PLEKHA7: variants seen among roughly 807,000 people sequenced by gnomAD.
PLEKHA7 encodes pleckstrin homology domain-containing family A member 7.
PLEKHA7 carries 104 observed loss-of-function variants against 170.0 expected under a neutral mutation model. That is an observed-to-expected ratio of 0.61 (90% CI 0.52 to 0.72). The LOEUF (loss-of-function observed/expected upper bound fraction) is 0.72, where lower values mean the gene tolerates loss of function less well. Ranked by LOEUF, PLEKHA7 falls within the 30% of genes least tolerant of loss-of-function variation. PLEKHA7 has a pLI of 0.00. For missense variants in PLEKHA7, 1,615 were observed against 1,671.7 expected (o/e 0.97, Z 0.59); for synonymous variants, 648 against 660.8 (o/e 0.98, Z 0.30).
chr11:16,800,555 A>G (rs929356654), intron 17 of PLEKHA7, among the ~76,000 whole-genome samples: 1 of 152,214 alleles, frequency 6.6e-6, no homozygotes, highest in African/African-American at 2.4e-5. Context: ...TAGAGGTGTG[A>G]TAACATCTAT....
intron 3 of PLEKHA7, among the ~76,000 whole-genome samples, chr11:16,959,448 G>A (rs530486732): frequency 3.3e-5 from 5 of 152,298 alleles, no homozygotes; most frequent in Non-Finnish European, 7.3e-5. Context: ...GTTTGTAAAC[G>A]TTTAATAAAA....
At chr11:16,824,005 CA>C (rs1443433199) in intron 10 of PLEKHA7, among the ~76,000 whole-genome samples, 1 of 152,130 alleles carries the variant, frequency 6.6e-6, no homozygotes, top group Admixed American at 6.5e-5. Context: ...ATGCCAGGCA[CA>C]AAAAGACAAA....
chr11:16,939,564 G>A (rs887450777), intron 3 of PLEKHA7, among the ~76,000 whole-genome samples: 4 of 152,068 alleles, frequency 2.6e-5, no homozygotes, highest in African/African-American at 9.7e-5. Context: ...AATACTACAC[G>A]GGTATTGCAA....
At chr11:16,984,946 G>A (rs1863637507) in intron 3 of PLEKHA7, among the ~76,000 whole-genome samples, 1 of 152,250 alleles carries the variant, frequency 6.6e-6, no homozygotes, top group Admixed American at 6.5e-5. Flanking sequence ...CAGCTGGCAA[G>A]CAACAGAAGT....
chr11:16,937,014 G>C (rs1860351898), intron 3 of PLEKHA7, among the ~76,000 whole-genome samples: 2 of 152,202 alleles, frequency 1.3e-5, no homozygotes, highest in African/African-American at 4.8e-5. Flanking sequence ...CATCTTTGAG[G>C]ACTACCAGCA....
At chr11:16,883,202 C>A (rs1855838556) in intron 3 of PLEKHA7, among the ~76,000 whole-genome samples, 3 of 152,114 alleles carry the variant, frequency 2.0e-5, no homozygotes, top group Admixed American at 2.0e-4. Context: ...GGTAGAGAAA[C>A]CACATCGGGC....
chr11:16,882,889 G>C (rs929346212), intron 3 of PLEKHA7, among the ~76,000 whole-genome samples: 4 of 149,646 alleles, frequency 2.7e-5, no homozygotes, highest in African/African-American at 5.1e-5. Flanking sequence ...CACACACACA[G>C]AGTTCAGAGT....
chr11:16,939,569 T>C (rs182676194), intron 3 of PLEKHA7, among the ~76,000 whole-genome samples: 7 of 152,338 alleles, frequency 4.6e-5, no homozygotes, highest in African/African-American at 1.4e-4. Flanking sequence ...TACACGGGTA[T>C]TGCAAAAATG....
At chr11:16,981,243 G>A (rs1398176494) in intron 3 of PLEKHA7, among the ~76,000 whole-genome samples, 2 of 152,136 alleles carry the variant, frequency 1.3e-5, no homozygotes, top group African/African-American at 4.8e-5. Context: ...ACTACATGCA[G>A]GTATGATTAT....
intron 10 of PLEKHA7, among the ~76,000 whole-genome samples, chr11:16,824,858 C>T (rs392441): frequency 2.6e-5 from 4 of 152,048 alleles, no homozygotes; most frequent in Non-Finnish European, 5.9e-5. Context: ...TCAGCAGTAA[C>T]GTCATCTTAC....
At chr11:16,808,568 C>T (rs1275786023) in intron 13 of PLEKHA7, among the ~76,000 whole-genome samples, 1 of 152,204 alleles carries the variant, frequency 6.6e-6, no homozygotes, top group East Asian at 1.9e-4. Context: ...CAGGTTCAAA[C>T]AGTCAGGAAG....
At chr11:16,881,770 G>T (rs1855733980) in intron 3 of PLEKHA7, among the ~76,000 whole-genome samples, 1 of 152,164 alleles carries the variant, frequency 6.6e-6, no homozygotes, top group Admixed American at 6.5e-5. Flanking sequence ...CCTATCTTTG[G>T]TGAAGAAACA....
intron 3 of PLEKHA7, among the ~76,000 whole-genome samples, chr11:16,971,665 C>A (rs963906246): frequency 1.3e-5 from 2 of 152,092 alleles, no homozygotes; most frequent in African/African-American, 2.4e-5. Flanking sequence ...AAGGTCAGGG[C>A]AGGAGATACA....
At chr11:16,961,344 G>A (rs1862047053) in intron 3 of PLEKHA7, among the ~76,000 whole-genome samples, 1 of 152,204 alleles carries the variant, frequency 6.6e-6, no homozygotes, top group Non-Finnish European at 1.5e-5. Flanking sequence ...CTAACGCCAG[G>A]CTATGCTCAG....
Position 16,826,318 on chromosome 11 carries a change from C to G in PLEKHA7, c.1145G>C (p.Arg382Thr). 1.2e-6 allele frequency: 2 copies of G among 1,614,250 alleles called. No individual in the cohort carries two copies. The highest frequency in any genetic ancestry group is 1.3e-5 in the African/African-American group (1 of 75,078). The change falls in exon 10 of 27, where the codon AGA becomes ACA. Residue 382 changes from arginine to threonine, a missense_variant. Coordinates refer to ENST00000531066, the MANE Select transcript of PLEKHA7 (RefSeq NM_001329630.2). ...ALFMDLPTGP[R>T]GQQAQPQRAE... is the part of the protein sequence containing the mutation. ...CCGTTGGGGCTGTGCCTGCTGGCCT[C>G]TTGGGCCAGTGGGTAAATCCATAAA...
chr11:16,919,803 C>T (rs1858955130), intron 3 of PLEKHA7, among the ~76,000 whole-genome samples: 1 of 151,908 alleles, frequency 6.6e-6, no homozygotes, highest in East Asian at 1.9e-4. Context: ...AAAAAAAAGA[C>T]AACAAATATT....
chr11:17,007,508 T>A (rs938322501), intron 3 of PLEKHA7, among the ~76,000 whole-genome samples: 2 of 151,396 alleles, frequency 1.3e-5, no homozygotes, highest in Non-Finnish European at 2.9e-5. Context: ...TATTTTTTTT[T>A]AAATGACAAG....
chr11:16,815,023 ACAGAGTGT>A, intron 12 of PLEKHA7, among the ~76,000 whole-genome samples: 1 of 152,180 alleles, frequency 6.6e-6, no homozygotes, highest in Non-Finnish European at 1.5e-5. Flanking sequence ...TTCCACCACC[ACAGAGTGT>A]CTGGCAGTAG....
intron 4 of PLEKHA7, among the ~76,000 whole-genome samples, chr11:16,867,133 G>A (rs1483602889): frequency 6.6e-6 from 1 of 152,116 alleles, no homozygotes; most frequent in Non-Finnish European, 1.5e-5. Flanking sequence ...GAGAACTAGG[G>A]AGTAATTTAG....
Sources: gnomAD v4.1 joint callset for allele counts (sites outside exome capture counted in the v4.1 genomes callset) on GRCh38, gnomAD v4.1.1 for gene constraint, MANE v1.5 for transcripts, NCBI Gene and HGNC (gene_info 2026-07-23, HGNC 2026-07-21) for gene names.